The following NKAIN3 variants were observed in gnomAD, a reference collection of about 807,000 sequenced individuals.
NKAIN3 encodes sodium/potassium transporting ATPase interacting 3.
Under a neutral mutation model 30.2 loss-of-function variants are expected in NKAIN3, and 25 were observed. That is an observed-to-expected ratio of 0.83 (90% CI 0.60 to 1.16). NKAIN3 has a LOEUF of 1.16. Among genes scored for constraint, NKAIN3 ranks in the 50% most tolerant of loss-of-function variants. NKAIN3 has a pLI of 0.00. For missense variants in NKAIN3, 225 were observed against 254.1 expected (o/e 0.89, Z 0.78); for synonymous variants, 91 against 89.6 (o/e 1.02, Z -0.09).
At chr8:62,514,821 T>C (rs577156501) in intron 1 of NKAIN3, among the ~76,000 whole-genome samples, 18 of 152,276 alleles carry the variant, frequency 1.2e-4, no homozygotes, top group Middle Eastern at 3.4e-3. Flanking sequence ...TTTCCTTCTC[T>C]CCTGAATCGT....
At chr8:62,729,044 A>AAAAAC (rs1563534986) in intron 3 of NKAIN3, among the ~76,000 whole-genome samples, 1 of 123,480 alleles carries the variant, frequency 8.1e-6, no homozygotes, top group Non-Finnish European at 1.7e-5. Flanking sequence ...AAAAAACAAA[A>AAAAAC]AAAAAAAACC....
intron 4 of NKAIN3, among the ~76,000 whole-genome samples, chr8:62,870,144 C>T (rs1219463536): frequency 2.1e-5 from 3 of 141,022 alleles, no homozygotes; most frequent in Non-Finnish European, 4.6e-5. Context: ...AGCTTGCAGA[C>T]GACCTATTGT....
chr8:62,959,383 T>C (rs1210812955), intron 6 of NKAIN3, among the ~76,000 whole-genome samples: 1 of 151,748 alleles, frequency 6.6e-6, no homozygotes, highest in Non-Finnish European at 1.5e-5. Flanking sequence ...TGTCAGGCCA[T>C]TTTGCATTTA....
Position 62,927,594 on chromosome 8 carries a change from C to A in NKAIN3, c.532+9081C>A, listed in dbSNP as rs192448270. ...TGTATTAAATTATCACATGTGCCCC[C>A]AAAACTATGTACATCTATTATGCCT... On this transcript the variant is annotated intron_variant, in intron 5 of 6. Transcript: ENST00000623646. Among the ~76,000 whole-genome samples the A allele has an allele frequency of 6.8e-3, 1,030 of 152,038 alleles. 4 individuals carry two copies. The highest frequency in any genetic ancestry group is 0.011 in the Non-Finnish European group (727 of 67,986).
intron 1 of NKAIN3, among the ~76,000 whole-genome samples, chr8:62,435,687 T>C (rs1392848709): frequency 1.3e-5 from 2 of 152,182 alleles, no homozygotes; most frequent in Admixed American, 6.5e-5. Flanking sequence ...TGCATTGTTA[T>C]CCAAGATTAT....
Position 62,801,813 on chromosome 8 carries a change from A to G in NKAIN3, c.471+54684A>G, listed in dbSNP as rs191547355. 2.6e-5 allele frequency among the ~76,000 whole-genome samples: 4 copies of G among 152,344 alleles called. No homozygotes were observed. In the East Asian group the frequency reaches 7.7e-4, roughly 29 times the overall value. The stretch of plus-strand genomic sequence containing the variant: ...AGAGAAGAAGGCTTCAGACAATCAA[A>G]CTACTCCGAGTTACAGGAGGAAATT... On this transcript the variant is annotated intron_variant, in intron 4 of 6. Transcript: ENST00000623646.
chr8:62,502,422 C>T (rs970950147), intron 1 of NKAIN3, among the ~76,000 whole-genome samples: 29 of 152,084 alleles, frequency 1.9e-4, no homozygotes, highest in African/African-American at 4.1e-4. Flanking sequence ...CAAAATCTAG[C>T]GGCCCCTTTC....
chr8:62,777,782 A>G (rs1121057), intron 4 of NKAIN3, among the ~76,000 whole-genome samples: 130,012 of 151,996 alleles, frequency 0.86, 55,748 homozygotes, highest in Admixed American at 0.9. Context: ...GGGCATAGAA[A>G]AATTAGGAAG....
intron 1 of NKAIN3, among the ~76,000 whole-genome samples, chr8:62,287,579 A>C (rs1813420622): frequency 6.6e-6 from 1 of 152,074 alleles, no homozygotes; most frequent in Non-Finnish European, 1.5e-5. Flanking sequence ...AGATCTCTTT[A>C]TTTAACAACA....
At chr8:62,941,881 C>G (rs1182176626) in intron 5 of NKAIN3, among the ~76,000 whole-genome samples, 1 of 152,036 alleles carries the variant, frequency 6.6e-6, no homozygotes, top group Non-Finnish European at 1.5e-5. Flanking sequence ...TTCACCACTT[C>G]TATTCAACAC....
chr8:62,577,062 T>A (rs1810134291), intron 1 of NKAIN3, among the ~76,000 whole-genome samples: 1 of 152,118 alleles, frequency 6.6e-6, no homozygotes, highest in Non-Finnish European at 1.5e-5. Flanking sequence ...GGCTTGTTGT[T>A]TTTAGTTACC....
chr8:62,743,816 C>A (rs950974597), intron 3 of NKAIN3, among the ~76,000 whole-genome samples: 2 of 152,120 alleles, frequency 1.3e-5, no homozygotes, highest in African/African-American at 4.8e-5. Flanking sequence ...TGGGGAAACC[C>A]AACAAGACCT....
At chr8:62,736,692 C>T (rs1398281774) in intron 3 of NKAIN3, among the ~76,000 whole-genome samples, 1 of 152,150 alleles carries the variant, frequency 6.6e-6, no homozygotes, top group Non-Finnish European at 1.5e-5. Context: ...GTCTGCATTC[C>T]TGGTTCACTC....
intron 1 of NKAIN3, among the ~76,000 whole-genome samples, chr8:62,327,580 C>T (rs564146447): frequency 6.6e-6 from 1 of 152,172 alleles, no homozygotes; most frequent in South Asian, 2.1e-4. Context: ...GGCCTTTCCC[C>T]ATTGAATAGC....
At chr8:62,847,794 A>C (rs372641877) in intron 4 of NKAIN3, among the ~76,000 whole-genome samples, 1 of 151,930 alleles carries the variant, frequency 6.6e-6, no homozygotes, top group African/African-American at 2.4e-5. Context: ...GTTTTCTTCT[A>C]GGTTTTTATA....
At chr8:62,729,039 A>AAAAAAAAAAAAAACAAAC (rs200466973) in intron 3 of NKAIN3, among the ~76,000 whole-genome samples, 12 of 96,936 alleles carry the variant, frequency 1.2e-4, no homozygotes, top group African/African-American at 4.4e-4. Context: ...AAAAAAAAAA[A>AAAAAAAAAAAAAACAAAC]CAAAAAAAAA....
At chr8:62,875,397 T>C (rs139985504) in intron 4 of NKAIN3, among the ~76,000 whole-genome samples, 4 of 152,282 alleles carry the variant, frequency 2.6e-5, no homozygotes, top group Non-Finnish European at 4.4e-5. Context: ...ATGGCCATAC[T>C]ACCAAAAGTA....
At chr8:62,353,742 T>G (rs951988928) in intron 1 of NKAIN3, among the ~76,000 whole-genome samples, 16 of 152,322 alleles carry the variant, frequency 1.1e-4, no homozygotes, top group African/African-American at 3.8e-4. Flanking sequence ...AGAGAATTTT[T>G]TGTCAAATGT....
chr8:62,815,156 C>G lies in NKAIN3; in HGVS notation c.471+68027C>G, dbSNP rs548177784. 8.5e-4 allele frequency among the ~76,000 whole-genome samples: 129 copies of G among 152,092 alleles called. 1 individual carries two copies. Among genetic ancestry groups the G allele is most frequent in the African/African-American group, 3.1e-3 (127 of 41,456 alleles). On this transcript the variant is annotated intron_variant, in intron 4 of 6. Coordinates refer to ENST00000623646, the MANE Select transcript of NKAIN3 (RefSeq NM_001304533.3). ...AAATTCCTTGACACATACACCCTCC[C>G]AAGACTAAACCAGGAAGAAGTTGAA... is the stretch of plus-strand genomic sequence containing the variant.
Sources: allele counts gnomAD v4.1 joint callset (sites outside exome capture counted in the v4.1 genomes callset), GRCh38; gene constraint gnomAD v4.1.1; transcripts MANE v1.5; gene names NCBI Gene and HGNC (gene_info 2026-07-23, HGNC 2026-07-21).